ABCA3: variants seen among roughly 807,000 people sequenced by gnomAD.
ABCA3 encodes the protein phospholipid-transporting ATPase ABCA3.
In ABCA3, 88 loss-of-function variants were observed where a neutral mutation model predicts 172.8. The ratio of observed to expected loss-of-function variants is 0.51; its 90% CI spans 0.43 to 0.61. ABCA3 has a LOEUF of 0.61. Ranked by LOEUF, ABCA3 falls within the 20% of genes least tolerant of loss-of-function variation. The probability of loss-of-function intolerance (pLI) is 0.00; values close to 1 mark genes in which losing one functional copy is unlikely to be tolerated. For missense variants in ABCA3, 2,164 were observed against 2,301.0 expected, an observed-to-expected ratio of 0.94 and a Z score of 1.22; for synonymous variants, 1,066 against 983.8, an observed-to-expected ratio of 1.08 and a Z score of -1.56.
chr16:2,283,933 G>A lies in ABCA3; in HGVS notation c.3862+346C>T. The A allele has an allele frequency of 3.5e-6, 1 of 286,450 alleles. No individual in the cohort carries two copies. The highest frequency in any genetic ancestry group is 1.2e-3 in the Middle Eastern group (1 of 848). The allele number at this position is 286,450 out of a possible 1,614,324, so 17.7% of individuals were successfully genotyped here. A position where few individuals can be genotyped will look rare whatever the true frequency, so the allele number is the denominator to read the frequency against. ...GAGGCGGTGGTGGGGAGTAGGTGCA[G>A]CCAGGAGCTCAGGATGCCTGGAGCC... On this transcript the variant is annotated intron_variant, in intron 25 of 32. Coordinates refer to ENST00000301732, the MANE Select transcript of ABCA3 (RefSeq NM_001089.3). This position sits in a 1 kb window ranked among gnomAD's most constrained non-coding sequence, Gnocchi z 5.4.
chr16:2,292,119 C>T (rs368196741), intron 19 of ABCA3, 21 bp downstream of exon 19: 18 of 1,594,466 alleles, frequency 1.1e-5, no homozygotes, highest in South Asian at 2.2e-5. Flanking sequence ...CCTAGGTGGA[C>T]GGAAATGCGC....
rs56188451 is a variant in ABCA3, at chr16:2,287,288, CTTTTTT to C, written c.3005-327_3005-322del. Among the ~76,000 whole-genome samples, 1 of 147,496 alleles carries C rather than the reference CTTTTTT, an allele frequency of 6.8e-6. No homozygotes were observed. Among genetic ancestry groups the C allele is most frequent in the East Asian group, 2.0e-4 (1 of 5,090 alleles). Reference sequence around the variant, plus strand: ...CCAACTATGACTACCAAGACTCTTTCTTTTTTTTTTTGAGACAGTCTTGCTCTGTCA... The same window carrying C: ...CCAACTATGACTACCAAGACTCTTTCTTTTTGAGACAGTCTTGCTCTGTCA... On this transcript the variant is annotated intron_variant, in intron 21 of 32. Coordinates refer to ENST00000301732, the MANE Select transcript of ABCA3 (RefSeq NM_001089.3). This position sits in a 1 kb window ranked among gnomAD's most constrained non-coding sequence, Gnocchi z 4.1.
At position 2,285,630 on chromosome 16, in the gene ABCA3, C is replaced by G; in HGVS notation, c.3295G>C (p.Asp1099His). 4 of 1,553,084 alleles carry G rather than the reference C, an allele frequency of 2.6e-6. No homozygotes were observed. Among genetic ancestry groups the G allele is most frequent in the Non-Finnish European group, 3.5e-6 (4 of 1,147,806 alleles). ...GCGAAGAGCAGGTTGAGGGCAATGTCGAATCCCTTCCGGCCCCTGCGGGGG... is the reference window on the plus strand; with the variant it reads ...GCGAAGAGCAGGTTGAGGGCAATGTGGAATCCCTTCCGGCCCCTGCGGGGG... ...DQFNEGRKGFDIALNLLFAMA... is the reference protein window; with the variant it reads ...DQFNEGRKGFHIALNLLFAMA... Residue 1099 changes from aspartate (D) to histidine (H), a missense_variant, in exon 23 of 33, where the codon GAC becomes CAC. Around this residue, in one of 3 missense-constraint regions of ABCA3, gnomAD observed 795 missense variants for 881.9 expected, o/e 0.90. Transcript: ENST00000301732. This position sits in a 1 kb window ranked among gnomAD's most constrained non-coding sequence, Gnocchi z 4.7.
rs1396813120 is a variant in ABCA3 at position 2,340,688 on chromosome 16, T to C, written c.-654A>G. On this transcript the variant is annotated 5_prime_UTR_variant, in exon 1 of 33. Coordinates refer to ENST00000301732, the MANE Select transcript of ABCA3 (RefSeq NM_001089.3). ...AGTGGCGGCGGCACTGACAGCTGCG[T>C]GGCCGCCCTGGAGGGGAGGGTGCGC... The C allele has an allele frequency of 6.7e-6, 1 of 150,226 alleles. No individual in the cohort carries two copies. Among genetic ancestry groups the C allele is most frequent in the Non-Finnish European group, 1.5e-5 (1 of 67,242 alleles). The allele number at this position is 150,226 out of a possible 1,614,324, so 9.3% of individuals were successfully genotyped here. A position where few individuals can be genotyped will look rare whatever the true frequency, so the allele number is the denominator to read the frequency against.
intron 6 of ABCA3, 87 bp downstream of exon 6, chr16:2,324,317 G>A: frequency 6.6e-7 from 1 of 1,515,160 alleles, no homozygotes; most frequent in Non-Finnish European, 8.8e-7. Context: ...GGAAAGCAGT[G>A]CCTTTTACAG....
intron 8 of ABCA3, among the ~76,000 whole-genome samples, chr16:2,318,573 T>C (rs2093720403): frequency 6.6e-6 from 1 of 151,654 alleles, no homozygotes; most frequent in Admixed American, 6.6e-5. Flanking sequence ...AGTGCAGTGG[T>C]GCGATCTTGG....
At chr16:2,294,652 T>C (rs1337863989) in intron 18 of ABCA3, among the ~76,000 whole-genome samples, 2 of 152,060 alleles carry the variant, frequency 1.3e-5, no homozygotes. Flanking sequence ...ACCACTGCAC[T>C]CCAGCCTGGG....
At chr16:2,294,247 C>T (rs1247546423) in intron 18 of ABCA3, among the ~76,000 whole-genome samples, 1 of 151,272 alleles carries the variant, frequency 6.6e-6, no homozygotes, top group Non-Finnish European at 1.5e-5. Flanking sequence ...AGGATGGTCT[C>T]GATCTCCTGA....
chr16:2,276,427 C>T lies in ABCA3; in HGVS notation c.*247G>A, dbSNP rs1397202255. On this transcript the variant is annotated 3_prime_UTR_variant, in exon 33 of 33. Transcript: ENST00000301732. Reference sequence around the variant, plus strand: ...ACCCCGGAGCTTGCCCGCAGACTGCCCGGCCTGCCCCAGCTCTGGGAAAGT... The same window carrying T: ...ACCCCGGAGCTTGCCCGCAGACTGCTCGGCCTGCCCCAGCTCTGGGAAAGT... The T allele has an allele frequency of 7.1e-6, 5 of 700,904 alleles. No individual in the cohort carries two copies. Among genetic ancestry groups the T allele is most frequent in the African/African-American group, 5.3e-5 (3 of 56,534 alleles). The allele number at this position is 700,904 out of a possible 1,614,324, so 43.4% of individuals were successfully genotyped here.
At chr16:2,332,178 C>G (rs2093744279) in intron 1 of ABCA3, 1 of 347,126 alleles carries the variant, frequency 2.9e-6, no homozygotes, top group South Asian at 3.8e-5. Context: ...CGCTGTGGCT[C>G]TTCAGGCGGC....
In ABCA3 at chr16:2,295,610, A is replaced by G. The variant is rs759322094; in HGVS notation, c.2394T>C (p.Leu798=). 37 of 1,613,586 alleles carry G rather than the reference A, an allele frequency of 2.3e-5. 1 individual carries two copies. The South Asian group carries it at 3.6e-4, about 16-fold the overall frequency. ...CGTACCTGTGCGTGCTCTCTCTGGGAAGGATGAAAGACAGCTCGGCCCCAG... is the reference window on the plus strand; with the variant it reads ...CGTACCTGTGCGTGCTCTCTCTGGGGAGGATGAAAGACAGCTCGGCCCCAG... ...SSAGAELSFI[L]PRESTHRFEG... The change falls in exon 18 of 33, where the codon CTT becomes CTC. Residue 798 remains leucine, a synonymous_variant. Coordinates refer to ENST00000301732, the MANE Select transcript of ABCA3 (RefSeq NM_001089.3).
chr16:2,334,580 TGGCTCAATGCAACCTCC>T (rs1382966361), intron 1 of ABCA3, among the ~76,000 whole-genome samples: 1 of 151,586 alleles, frequency 6.6e-6, no homozygotes, highest in Non-Finnish European at 1.5e-5. Flanking sequence ...AGCCCGATCT[TGGCTCAATGCAACCTCC>T]GGCCCCCAGG....
Position 2,281,330 on chromosome 16 carries a change from A to G in ABCA3, c.4164+51T>C. 6.2e-7 allele frequency: 1 copy of G among 1,613,326 alleles called. No individual in the cohort carries two copies. Among genetic ancestry groups the G allele is most frequent in the Non-Finnish European group, 8.5e-7 (1 of 1,179,830 alleles). On this transcript the variant is annotated intron_variant, in intron 27 of 32. Coordinates refer to ENST00000301732, the MANE Select transcript of ABCA3 (RefSeq NM_001089.3). This position sits in a 1 kb window ranked among gnomAD's most constrained non-coding sequence, Gnocchi z 4.7. ...AGGGATGGGGTCGGACCCTGGGGAC[A>G]GCCAGGTAGTCAGCTGGCAGGAAGG...
intron 10 of ABCA3, among the ~76,000 whole-genome samples, chr16:2,314,458 G>T (rs557684407): frequency 2.6e-5 from 4 of 152,188 alleles, no homozygotes; most frequent in African/African-American, 9.6e-5. Flanking sequence ...TCCAGGGAAG[G>T]GGGGTGGGGG....
intron 1 of ABCA3, among the ~76,000 whole-genome samples, chr16:2,334,827 GTTC>G (rs2093749186): frequency 6.8e-6 from 1 of 147,166 alleles, no homozygotes; most frequent in African/African-American, 2.5e-5. Flanking sequence ...TTAAATATTA[GTTC>G]TTTTTTTTTT....
Position 2,326,272 on chromosome 16 carries a change from C to T in ABCA3, c.57G>A (p.Lys19=), listed in dbSNP as rs1484647722. The T allele has an allele frequency of 1.9e-6, 3 of 1,613,060 alleles. No homozygotes were observed. The highest frequency in any genetic ancestry group is 2.5e-6 in the Non-Finnish European group (3 of 1,180,032). Residue 19 remains lysine, a splice_region_variant and synonymous_variant, in exon 5 of 33, where the codon AAG becomes AAA. Transcript: ENST00000301732. ...CCAGGACCGTCACCAGGACCTTCCG[C>T]TTCTGGAAGAGATACAATAGGGCAC... The part of the protein sequence containing the change: ...LLLWKNYTLQ[K]RKVLVTVLEL...
rs527567236 is a variant in ABCA3 at position 2,326,818 on chromosome 16, T to A, written c.-26-326A>T. 2.6e-5 allele frequency among the ~76,000 whole-genome samples: 4 copies of A among 152,184 alleles called. No homozygotes were observed. The South Asian group carries it at 8.3e-4, about 32-fold the overall frequency. On this transcript the variant is annotated intron_variant, in intron 3 of 32. Coordinates refer to ENST00000301732, the MANE Select transcript of ABCA3 (RefSeq NM_001089.3). ...GCCTGGCCAACATGGTGAAACCCCG[T>A]CTCTACTGAAAATACAAAAATTAGC...
chr16:2,322,891 T>C (rs2093728308), intron 7 of ABCA3, among the ~76,000 whole-genome samples: 1 of 152,114 alleles, frequency 6.6e-6, no homozygotes, highest in Non-Finnish European at 1.5e-5. Flanking sequence ...GAGAAAATTT[T>C]TGCAATCTAC....
chr16:2,278,338 G>GGT lies in ABCA3; in HGVS notation c.4666_4667dup (p.Val1557ProfsTer78). 6.2e-7 allele frequency: 1 copy of GGT among 1,611,366 alleles called. No individual in the cohort carries two copies. Among genetic ancestry groups the GGT allele is most frequent in the Non-Finnish European group, 8.5e-7 (1 of 1,179,966 alleles). On this transcript the variant is annotated frameshift_variant, in exon 30 of 33. Transcript: ENST00000301732. LOFTEE classifies it high-confidence loss of function. The surrounding 1 kb of genome is among the most constrained non-coding windows in gnomAD (Gnocchi z 4.4). ...TGCCAGACTCTCGGGCTCGTGCCAC[G>GGT]GTGTCCCAAAGCAGGCGCCGGGCCA...
Sources: gnomAD v4.1 joint callset for allele counts (sites outside exome capture counted in the v4.1 genomes callset) on GRCh38, gnomAD v4.1.1 for gene constraint, gnomAD v4.1.1 regional missense constraint, Gnocchi (gnomAD v3.1) non-coding constraint, MANE v1.5 for transcripts, NCBI Gene and HGNC (gene_info 2026-07-23, HGNC 2026-07-21) for gene names.